CCDC57: variants seen among roughly 807,000 people sequenced by gnomAD.
The protein encoded by CCDC57 is coiled-coil domain-containing protein 57.
CCDC57 carries 118 observed loss-of-function variants against 118.9 expected under a neutral mutation model. The ratio of observed to expected loss-of-function variants is 0.99; its 90% CI spans 0.86 to 1.16. The LOEUF (loss-of-function observed/expected upper bound fraction) is 1.16. Among genes scored for constraint, CCDC57 ranks in the 50% most tolerant of loss-of-function variants. The pLI, the probability that CCDC57 is intolerant of heterozygous loss-of-function variation, is 0.00. For missense variants in CCDC57, 1,300 were observed against 1,320.7 expected, an observed-to-expected ratio of 0.98 and a Z score of 0.24; for synonymous variants, 527 against 532.9, an observed-to-expected ratio of 0.99 and a Z score of 0.15.
chr17:82,187,739 A>G (rs57774123), intron 8 of CCDC57, among the ~76,000 whole-genome samples: 28,091 of 62,500 alleles, frequency 0.45, 6,765 homozygotes, highest in East Asian at 0.87. Flanking sequence ...CGTTGGGGGA[A>G]CTGGCGGGGG....
At chr17:82,165,063 T>C (rs1184432553) in intron 13 of CCDC57, among the ~76,000 whole-genome samples, 1 of 152,176 alleles carries the variant, frequency 6.6e-6, no homozygotes, top group Non-Finnish European at 1.5e-5. Context: ...GGCTCACACC[T>C]GTAATCCCAG....
At chr17:82,126,645 G>A (rs1177809737) in intron 19 of CCDC57, 5 of 985,266 alleles carry the variant, frequency 5.1e-6, no homozygotes, top group African/African-American at 1.7e-5. Context: ...CTGCTGCTGG[G>A]AGCAGCCTCT....
intron 8 of CCDC57, chr17:82,185,222 G>A (rs553509956): frequency 5.2e-5 from 8 of 152,542 alleles, no homozygotes; most frequent in African/African-American, 1.7e-4. Flanking sequence ...GAGAAGCCAA[G>A]GTGGAAGGAT....
chr17:82,155,002 AGGTCTCCTCAT>A (rs1470947213), intron 15 of CCDC57: 1 of 152,236 alleles, frequency 6.6e-6, no homozygotes, highest in Non-Finnish European at 1.5e-5. Flanking sequence ...GGCTTGCCTG[AGGTCTCCTCAT>A]GCATAAGCTC....
intron 15 of CCDC57, 76 bp downstream of exon 14, chr17:82,157,672 C>A: frequency 6.7e-7 from 1 of 1,502,704 alleles, no homozygotes; most frequent in South Asian, 1.3e-5. Context: ...GACAGCAACG[C>A]TGGCAGAGCA....
At chr17:82,183,984 T>C in intron 8 of CCDC57, 52 bp from the exon 8 acceptor site, 1 of 1,518,054 alleles carries the variant, frequency 6.6e-7, no homozygotes, top group South Asian at 1.1e-5. Context: ...ACTAAAGTTG[T>C]CTCTTACACA....
chr17:82,164,477 T>C (rs1006633823), intron 13 of CCDC57, among the ~76,000 whole-genome samples: 3 of 152,052 alleles, frequency 2.0e-5, no homozygotes, highest in South Asian at 2.1e-4. Flanking sequence ...AGAAAATAAA[T>C]GTATAATAGA....
chr17:82,159,666 GTCATTTTCTTTTTT>G (rs1431502545), intron 14 of CCDC57, among the ~76,000 whole-genome samples: 3 of 144,064 alleles, frequency 2.1e-5, no homozygotes, highest in Non-Finnish European at 3.0e-5. Context: ...ATTTATATTT[GTCATTTTCTTTTTT>G]TTTTTTTTTG....
intron 11 of CCDC57, among the ~76,000 whole-genome samples, chr17:82,173,081 C>T (rs886600318): frequency 1.3e-5 from 2 of 151,884 alleles, no homozygotes; most frequent in African/African-American, 4.8e-5. Context: ...TTTGAGATCC[C>T]TAGAGTGTCC....
chr17:82,125,860 C>T (rs988584428), intron 19 of CCDC57, among the ~76,000 whole-genome samples: 8 of 152,130 alleles, frequency 5.3e-5, no homozygotes, highest in Non-Finnish European at 7.3e-5. Flanking sequence ...AGTGGCCGAA[C>T]GAACCGTCCG....
chr17:82,107,289 G>A, intron 19 of CCDC57: 1 of 402,078 alleles, frequency 2.5e-6, no homozygotes. Context: ...AGAGGCAAAG[G>A]CCCACACACC....
At chr17:82,204,255 C>T (rs1294444990) in intron 2 of CCDC57, among the ~76,000 whole-genome samples, 1 of 152,178 alleles carries the variant, frequency 6.6e-6, no homozygotes, top group African/African-American at 2.4e-5. Context: ...CACCCATTGC[C>T]GGAGCTAACA....
intron 14 of CCDC57, among the ~76,000 whole-genome samples, chr17:82,161,773 C>A: frequency 6.6e-6 from 1 of 152,096 alleles, no homozygotes; most frequent in East Asian, 1.9e-4. Flanking sequence ...GGTTATTGTA[C>A]CGAGCTTCTA....
chr17:82,184,419 C>A (rs1311811849), intron 8 of CCDC57, among the ~76,000 whole-genome samples: 1 of 152,198 alleles, frequency 6.6e-6, no homozygotes, highest in Non-Finnish European at 1.5e-5. Context: ...TTCTACAGAA[C>A]CCACTAAATA....
chr17:82,113,096 G>T, intron 19 of CCDC57: 1 of 442,616 alleles, frequency 2.3e-6, no homozygotes, highest in Non-Finnish European at 4.0e-6. Context: ...CTAAGTGGCA[G>T]TCATGGTTTC....
intron 19 of CCDC57, among the ~76,000 whole-genome samples, chr17:82,105,666 T>C (rs1445278204): frequency 6.6e-6 from 1 of 152,038 alleles, no homozygotes; most frequent in African/African-American, 2.4e-5. Flanking sequence ...GGGGCTGCCT[T>C]TGTGGGACTG....
At chr17:82,205,334 CCTT>C (rs2049491243) in intron 2 of CCDC57, among the ~76,000 whole-genome samples, 1 of 152,200 alleles carries the variant, frequency 6.6e-6, no homozygotes, top group Admixed American at 6.5e-5. Flanking sequence ...GGGCTTGCCT[CCTT>C]AACTCATTGG....
intron 19 of CCDC57, chr17:82,113,883 C>A: frequency 1.8e-6 from 1 of 559,418 alleles, no homozygotes; most frequent in Non-Finnish European, 3.2e-6. Context: ...AAAGTTGAGG[C>A]CACAGTGAAC....
At chr17:82,203,995 G>A (rs895627390) in intron 2 of CCDC57, among the ~76,000 whole-genome samples, 2 of 152,206 alleles carry the variant, frequency 1.3e-5, no homozygotes, top group African/African-American at 2.4e-5. Flanking sequence ...CGAAGCACAA[G>A]GAGGAGGTGG....
Sources: gnomAD v4.1 joint callset for allele counts (sites outside exome capture counted in the v4.1 genomes callset) on GRCh38, gnomAD v4.1.1 for gene constraint, MANE v1.5 for transcripts, NCBI Gene and HGNC (gene_info 2026-07-23, HGNC 2026-07-21) for gene names.